CIPC: variants seen among roughly 807,000 people sequenced by gnomAD.
CIPC encodes the protein CLOCK interacting pacemaker.
A neutral mutation model predicts 26.7 loss-of-function variants in CIPC; 12 were observed. The observed-to-expected ratio is 0.45, with a 90% CI of 0.29 to 0.73. CIPC has a LOEUF of 0.73. CIPC is among the 30% of genes least tolerant of loss of function. The probability of loss-of-function intolerance (pLI) is 0.12; values close to 1 mark genes in which losing one functional copy is unlikely to be tolerated. For missense variants in CIPC, 417 were observed against 486.5 expected (o/e 0.86, Z 1.34); for synonymous variants, 170 against 189.8 (o/e 0.90, Z 0.86).
intron 1 of CIPC, chr14:77,098,784 G>C (rs1886413723): frequency 6.6e-6 from 1 of 152,512 alleles, no homozygotes; most frequent in Admixed American, 6.6e-5. Context: ...GTTTGAGGTC[G>C]GGGGTGGTAC....
chr14:77,102,287 T>C (rs2140025891), intron 1 of CIPC, among the ~76,000 whole-genome samples: 1 of 152,262 alleles, frequency 6.6e-6, no homozygotes, highest in East Asian at 1.9e-4. Flanking sequence ...AATTTCTTTA[T>C]GGCCAGGAAG....
chr14:77,106,604 A>G (rs1212170687), intron 2 of CIPC, among the ~76,000 whole-genome samples: 3 of 152,154 alleles, frequency 2.0e-5, no homozygotes, highest in East Asian at 3.8e-4. Flanking sequence ...ATTCTGGTCA[A>G]GTCAACATCC....
chr14:77,104,633 C>G (rs1205830009), intron 1 of CIPC, among the ~76,000 whole-genome samples: 2 of 152,234 alleles, frequency 1.3e-5, no homozygotes, highest in African/African-American at 4.8e-5. Context: ...TCCCTTAGGG[C>G]CTTCACACTG....
chr14:77,107,400 C>T (rs1886610217), intron 2 of CIPC, among the ~76,000 whole-genome samples: 1 of 152,140 alleles, frequency 6.6e-6, no homozygotes, highest in African/African-American at 2.4e-5. Flanking sequence ...CCAGTGAATG[C>T]CACTGGAATG....
At position 77,116,843 on chromosome 14, in the gene CIPC, G is replaced by A. The variant is rs1423781329; in HGVS notation, c.*2525G>A. ...AGATCTCCATCGGTTGCCCAAGGCT[G>A]TAAGTAGTGATGGTTTTAGCGATGA... On this transcript the variant is annotated 3_prime_UTR_variant, in exon 4 of 4. Transcript: ENST00000361786. The A allele has an allele frequency of 6.6e-6, 1 of 152,230 alleles. No homozygotes were observed. Among genetic ancestry groups the A allele is most frequent in the East Asian group, 1.9e-4 (1 of 5,202 alleles). 9.4% of individuals were successfully genotyped at this position (152,230 alleles called of 1,614,324 possible).
Position 77,114,480 on chromosome 14 carries a change from C to G in CIPC, c.*162C>G, listed in dbSNP as rs1045134917. ...TGCCAATACCTGGCTGCTGTCTTAA[C>G]TCGTAGTCTGGGCACAGGATACATA... is the stretch of plus-strand genomic sequence containing the variant. On this transcript the variant is annotated 3_prime_UTR_variant, in exon 4 of 4. Coordinates refer to ENST00000361786, the MANE Select transcript of CIPC (RefSeq NM_033426.3). 2 of 717,606 alleles carry G rather than the reference C, an allele frequency of 2.8e-6. No homozygotes were observed. The highest frequency in any genetic ancestry group is 4.6e-6 in the Non-Finnish European group (2 of 436,302). 44.5% of individuals were successfully genotyped at this position (717,606 alleles called of 1,614,324 possible).
At chr14:77,101,700 G>T (rs1648409276) in intron 1 of CIPC, among the ~76,000 whole-genome samples, 1 of 152,198 alleles carries the variant, frequency 6.6e-6, no homozygotes, top group Admixed American at 6.5e-5. Flanking sequence ...GTCTTCAGAA[G>T]TGAAGCCTCC....
At position 77,114,051 on chromosome 14, in the gene CIPC, G is replaced by A; in HGVS notation, c.933G>A (p.Gln311=). The change falls in exon 4 of 4, where the codon CAG becomes CAA. Residue 311 remains glutamine (Q), a synonymous_variant. Transcript: ENST00000361786. ...CAGATATCTTTTCAGAGCAGCGGCAGAGCAAACATAGGCGCTTTCAGAATA... is the reference window on the plus strand; with the variant it reads ...CAGATATCTTTTCAGAGCAGCGGCAAAGCAAACATAGGCGCTTTCAGAATA... ...RSPDIFSEQR[Q]SKHRRFQNTL... The A allele has an allele frequency of 3.1e-6, 5 of 1,614,204 alleles. No homozygotes were observed. Among genetic ancestry groups the A allele is most frequent in the Non-Finnish European group, 4.2e-6 (5 of 1,180,046 alleles).
chr14:77,114,686 C>A lies in CIPC; in HGVS notation c.*368C>A. On this transcript the variant is annotated 3_prime_UTR_variant, in exon 4 of 4. Coordinates refer to ENST00000361786, the MANE Select transcript of CIPC (RefSeq NM_033426.3). ...TCAAGGGTACAGTAACACGAATGAG[C>A]ATACAGAGCAACACCTGTTGAGCCA... 4.9e-6 allele frequency: 1 copy of A among 203,950 alleles called. No individual in the cohort carries two copies. The highest frequency in any genetic ancestry group is 1.1e-4 in the East Asian group (1 of 9,082). 12.6% of individuals were successfully genotyped at this position (203,950 alleles called of 1,614,324 possible). A position where few individuals can be genotyped will look rare whatever the true frequency, so the allele number is the denominator to read the frequency against.
intron 1 of CIPC, among the ~76,000 whole-genome samples, chr14:77,099,639 T>G (rs1416308486): frequency 6.6e-6 from 1 of 152,232 alleles, no homozygotes; most frequent in East Asian, 1.9e-4. Context: ...ACACATGTTA[T>G]ACACGTGACA....
rs1015546735 is a variant in CIPC at position 77,114,951 on chromosome 14, A to G, written c.*633A>G. 5.3e-5 allele frequency: 8 copies of G among 152,230 alleles called. No individual in the cohort carries two copies. Among genetic ancestry groups the G allele is most frequent in the African/African-American group, 1.9e-4 (8 of 41,460 alleles). 9.4% of individuals were successfully genotyped at this position (152,230 alleles called of 1,614,324 possible). A position where few individuals can be genotyped will look rare whatever the true frequency, so the allele number is the denominator to read the frequency against. On this transcript the variant is annotated 3_prime_UTR_variant, in exon 4 of 4. Transcript: ENST00000361786. ...ATCTGACTCCTACACTTTCATTACA[A>G]GTCAGATTTTTCTTAAACTAGCAGG...
intron 1 of CIPC, among the ~76,000 whole-genome samples, chr14:77,102,542 C>G (rs1183697421): frequency 1.3e-5 from 2 of 152,204 alleles, no homozygotes; most frequent in Non-Finnish European, 2.9e-5. Flanking sequence ...TGTGTATTTT[C>G]TGTAGCTCTA....
chr14:77,106,901 A>T (rs7146232), intron 2 of CIPC, among the ~76,000 whole-genome samples: 61,874 of 151,942 alleles, frequency 0.41, 13,204 homozygotes, highest in East Asian at 0.54. Context: ...GGGCGGGCCA[A>T]CCTTCCCTTT....
rs906816594 is a variant in CIPC at position 77,116,306 on chromosome 14, T to TG, written c.*1989dup. ...CTTGGCCCACTCTCTTTGCTTCCCC[T>TG]GAATCTGTGTGGTACTATAGCAGCT... On this transcript the variant is annotated 3_prime_UTR_variant, in exon 4 of 4. Transcript: ENST00000361786. 1 of 152,206 alleles carries TG rather than the reference T, an allele frequency of 6.6e-6. No individual in the cohort carries two copies. Among genetic ancestry groups the TG allele is most frequent in the Non-Finnish European group, 1.5e-5 (1 of 68,052 alleles). 9.4% of individuals were successfully genotyped at this position (152,206 alleles called of 1,614,324 possible). A position where few individuals can be genotyped will look rare whatever the true frequency, so the allele number is the denominator to read the frequency against.
intron 1 of CIPC, among the ~76,000 whole-genome samples, chr14:77,103,554 T>C (rs1464039086): frequency 4.6e-5 from 7 of 152,236 alleles, no homozygotes; most frequent in African/African-American, 1.7e-4. Context: ...CCTTGTGTTA[T>C]TATCATGCTG....
rs201424350 is a variant in CIPC at position 77,113,722 on chromosome 14, C to G, written c.604C>G (p.Pro202Ala). 1 of 1,612,144 alleles carries G rather than the reference C, an allele frequency of 6.2e-7. No homozygotes were observed. The highest frequency in any genetic ancestry group is 1.3e-5 in the African/African-American group (1 of 74,968). The change falls in exon 4 of 4, where the codon CCA (proline) becomes GCA (alanine). Residue 202 changes from proline (P) to alanine (A), a missense_variant. Physicochemically the swap from Pro to Ala is conservative, Grantham distance 27. Coordinates refer to ENST00000361786, the MANE Select transcript of CIPC (RefSeq NM_033426.3). ...RLGPSLSSSE[P>A]TKAGAVPSSP... ...TGGGCCTAGCTTGTCTTCCAGTGAGCCAACCAAGGCTGGTGCTGTCCCATC... is the reference window on the plus strand; with the variant it reads ...TGGGCCTAGCTTGTCTTCCAGTGAGGCAACCAAGGCTGGTGCTGTCCCATC...
Position 77,116,187 on chromosome 14 carries a change from C to T in CIPC, c.*1869C>T, listed in dbSNP as rs1886810147. The T allele has an allele frequency of 1.3e-5, 2 of 152,276 alleles. No individual in the cohort carries two copies. Among genetic ancestry groups the T allele is most frequent in the Admixed American group, 1.3e-4 (2 of 15,300 alleles). The allele number at this position is 152,276 out of a possible 1,614,324, so 9.4% of individuals were successfully genotyped here. A position where few individuals can be genotyped will look rare whatever the true frequency, so the allele number is the denominator to read the frequency against. ...CATCCCTAGACTCCACTCATGAACGCAGAATTATTACCTGCTGTTTGCTTT... is the reference window on the plus strand; with the variant it reads ...CATCCCTAGACTCCACTCATGAACGTAGAATTATTACCTGCTGTTTGCTTT... On this transcript the variant is annotated 3_prime_UTR_variant, in exon 4 of 4. Transcript: ENST00000361786.
At position 77,114,093 on chromosome 14, in the gene CIPC, T is replaced by G; in HGVS notation, c.975T>G (p.His325Gln). The change falls in exon 4 of 4, where the codon CAT (histidine) becomes CAG (glutamine). Residue 325 changes from histidine (H) to glutamine (Q), a missense_variant. Physicochemically the swap from His to Gln is conservative, Grantham distance 24. Transcript: ENST00000361786. The stretch of plus-strand genomic sequence containing the variant: ...TTCAGAATACCCTAGTAGTCCTACA[T>G]AAATCTGGTTTGCTGGAGATCACTT... ...RRFQNTLVVLHKSGLLEITLK... is the reference protein window; with the variant it reads ...RRFQNTLVVLQKSGLLEITLK... The G allele has an allele frequency of 1.2e-6, 2 of 1,614,104 alleles. No individual in the cohort carries two copies. Among genetic ancestry groups the G allele is most frequent in the Non-Finnish European group, 1.7e-6 (2 of 1,180,022 alleles).
intron 1 of CIPC, among the ~76,000 whole-genome samples, chr14:77,100,573 C>CTT (rs1211402359): frequency 1.5e-5 from 2 of 135,250 alleles, no homozygotes; most frequent in Middle Eastern, 4.0e-3. Flanking sequence ...CTTTTCTCTT[C>CTT]TTTTTTTTTT....
Sources: allele counts gnomAD v4.1 joint callset (sites outside exome capture counted in the v4.1 genomes callset), GRCh38; gene constraint gnomAD v4.1.1; transcripts MANE v1.5; gene names NCBI Gene and HGNC (gene_info 2026-07-23, HGNC 2026-07-21).